PCDHGA4: variants seen among roughly 807,000 people sequenced by gnomAD.
The protein encoded by PCDHGA4 is protocadherin gamma subfamily A, 4, also known as protocadherin gamma-A4.
PCDHGA4 carries 38 observed loss-of-function variants against 54.6 expected under a neutral mutation model. The observed-to-expected ratio is 0.70, with a 90% confidence interval of 0.54 to 0.91. The LOEUF (loss-of-function observed/expected upper bound fraction) is 0.91, where lower values mean the gene tolerates loss of function less well. Among genes scored for constraint, PCDHGA4 ranks in the 40% least tolerant of loss-of-function variants. PCDHGA4 has a pLI of 0.00. For synonymous variants in PCDHGA4, 511 were observed against 512.9 expected, an observed-to-expected ratio of 1.00 and a Z score of 0.05; for missense variants, 1,298 against 1,220.9, an observed-to-expected ratio of 1.06 and a Z score of -0.94.
chr5:141,362,348 G>A (rs761668802), intron 1 of PCDHGA4: 18 of 1,613,904 alleles, frequency 1.1e-5, no homozygotes, highest in Admixed American at 1.7e-5. Context: ...CCTGGACCTG[G>A]GGTTCTCCCC....
chr5:141,364,637 G>A lies in PCDHGA4; in HGVS notation c.2514+7016G>A, dbSNP rs979445562. ...GCTCTGCGCTCAGAGCCCACTGTGT[G>A]TGGTGAACTTTAACATCTTGGTTGA... is the stretch of plus-strand genomic sequence containing the variant. On this transcript the variant is annotated intron_variant, in intron 1 of 3. Transcript: ENST00000571252. 1.7e-5 allele frequency: 28 copies of A among 1,614,030 alleles called. No homozygotes were observed. Among genetic ancestry groups the A allele is most frequent in the Non-Finnish European group, 2.4e-5 (28 of 1,179,966 alleles).
At chr5:141,495,240 C>T (rs2099759761) in intron 2 of PCDHGA4, among the ~76,000 whole-genome samples, 1 of 152,182 alleles carries the variant, frequency 6.6e-6, no homozygotes, top group South Asian at 2.1e-4. Context: ...TCCATTATGA[C>T]CTGGGGCTCA....
rs752660585 is a variant in PCDHGA4 at position 141,400,337 on chromosome 5, C to A, written c.2514+42716C>A. The A allele has an allele frequency of 6.6e-5, 106 of 1,613,962 alleles. No homozygotes were observed. The Admixed American group carries it at 1.7e-3, about 26-fold the overall frequency. ...GTCAAGTCTGGACCTGTGGTTCCCC[C>A]CAACTACAGTCAGGGGACTTTGCCT... On this transcript the variant is annotated intron_variant, in intron 1 of 3. Transcript: ENST00000571252.
intron 1 of PCDHGA4, chr5:141,361,395 C>T: frequency 1.2e-6 from 2 of 1,614,022 alleles, no homozygotes; most frequent in Non-Finnish European, 1.7e-6. Flanking sequence ...AATACAATCT[C>T]ACCATCACAG....
intron 1 of PCDHGA4, among the ~76,000 whole-genome samples, chr5:141,459,757 G>T (rs1360124889): frequency 6.6e-6 from 1 of 152,162 alleles, no homozygotes; most frequent in Admixed American, 6.6e-5. Flanking sequence ...ATTCTAGTGG[G>T]TGTGTGATAC....
rs1052219950 is a variant in PCDHGA4, at chr5:141,476,865, G to A, written c.2515-17942G>A. The A allele has an allele frequency of 1.2e-6, 2 of 1,613,752 alleles. No individual in the cohort carries two copies. Among genetic ancestry groups the A allele is most frequent in the African/African-American group, 1.3e-5 (1 of 74,958 alleles). On this transcript the variant is annotated intron_variant, in intron 1 of 3. Coordinates refer to ENST00000571252, the MANE Select transcript of PCDHGA4 (RefSeq NM_018917.4). This position sits in a 1 kb window ranked among gnomAD's most constrained non-coding sequence, Gnocchi z 7.6. ...CCTGTCTTCAACCAGTCCTTGTACC[G>A]GGCGCGCGTCCTGGAGGATGCACCC...
At chr5:141,376,323 G>T in intron 1 of PCDHGA4, 1 of 1,614,162 alleles carries the variant, frequency 6.2e-7, no homozygotes, top group South Asian at 1.1e-5. Flanking sequence ...GAAGGGGTTC[G>T]GGCTTTCCTG....
chr5:141,419,214 T>C lies in PCDHGA4; in HGVS notation c.2514+61593T>C. On this transcript the variant is annotated intron_variant, in intron 1 of 3. Coordinates refer to ENST00000571252, the MANE Select transcript of PCDHGA4 (RefSeq NM_018917.4). ...GACGTCAATGACAACGCGCCGGTTT[T>C]CGGACAGTCAGCCTACCTGGTCCAC... 1.9e-6 allele frequency: 3 copies of C among 1,613,986 alleles called. No individual in the cohort carries two copies. In the South Asian group the frequency reaches 3.3e-5, roughly 18 times the overall value.
chr5:141,363,913 T>C (rs2149851693), intron 1 of PCDHGA4, among the ~76,000 whole-genome samples: 1 of 152,252 alleles, frequency 6.6e-6, no homozygotes, highest in East Asian at 1.9e-4. Context: ...AAATAAAATT[T>C]TTGTAAGGTA....
intron 2 of PCDHGA4, among the ~76,000 whole-genome samples, chr5:141,497,076 C>T (rs1052240279): frequency 5.9e-5 from 9 of 151,826 alleles, no homozygotes; most frequent in Non-Finnish European, 8.8e-5. Context: ...GTAATCCCAG[C>T]GACTTAGGAG....
Position 141,510,957 on chromosome 5 carries a change from T to C in PCDHGA4, c.2673T>C (p.Asp891=), listed in dbSNP as rs372617587. ...MILASASEAA[D]GSSTLGGGAG... ...CCTCTGTCTCTGCAGAAGCTGCTGA[T>C]GGGAGCTCCACCCTGGGAGGGGGTG... Residue 891 remains aspartate, a synonymous_variant, in exon 4 of 4, where the codon GAT becomes GAC. Transcript: ENST00000571252. 2.5e-6 allele frequency: 4 copies of C among 1,614,134 alleles called. No individual in the cohort carries two copies. The highest frequency in any genetic ancestry group is 3.4e-6 in the Non-Finnish European group (4 of 1,180,004).
chr5:141,419,216 G>C, intron 1 of PCDHGA4: 3 of 1,613,886 alleles, frequency 1.9e-6, no homozygotes, highest in Admixed American at 1.7e-5. Flanking sequence ...GCCGGTTTTC[G>C]GACAGTCAGC....
In PCDHGA4 at chr5:141,486,718, A is replaced by G; in HGVS notation, c.2515-8089A>G. 6.2e-7 allele frequency: 1 copy of G among 1,614,106 alleles called. No individual in the cohort carries two copies. The highest frequency in any genetic ancestry group is 1.7e-5 in the Admixed American group (1 of 60,022). On this transcript the variant is annotated intron_variant, in intron 1 of 3. Coordinates refer to ENST00000571252, the MANE Select transcript of PCDHGA4 (RefSeq NM_018917.4). This position sits in a 1 kb window ranked among gnomAD's most constrained non-coding sequence, Gnocchi z 5.0. Reference sequence around the variant, plus strand: ...TCATCTCTCTGAACCCCCAGACAGGAGCTGTTCATGCTACTCGATCCTTTG... The same window carrying G: ...TCATCTCTCTGAACCCCCAGACAGGGGCTGTTCATGCTACTCGATCCTTTG...
At chr5:141,360,790 G>C in intron 1 of PCDHGA4, 1 of 1,613,878 alleles carries the variant, frequency 6.2e-7, no homozygotes, top group Non-Finnish European at 8.5e-7. Context: ...GGATGGCGGA[G>C]ACCCACCTCA....
Position 141,356,959 on chromosome 5 carries a change from C to T in PCDHGA4, c.1852C>T (p.Leu618=). The change falls in exon 1 of 4, where the codon CTG becomes TTG. Residue 618 remains leucine (L), a synonymous_variant. Transcript: ENST00000571252. ...ACCCCGCTCCGCAGATTCCGGCTAC[C>T]TGGTGACCAAAGTGGTGGCAGTGGA... ...LAPRSADSGY[L]VTKVVAVDRD... 6.2e-7 allele frequency: 1 copy of T among 1,614,236 alleles called. No homozygotes were observed. Among genetic ancestry groups the T allele is most frequent in the Non-Finnish European group, 8.5e-7 (1 of 1,180,044 alleles).
rs763433178 is a variant in PCDHGA4, at chr5:141,409,635, A to G, written c.2514+52014A>G. On this transcript the variant is annotated intron_variant, in intron 1 of 3. Transcript: ENST00000571252. ...TCCATTGCGCAAGTGAGCGCCTCTG[A>G]CCCGGATTTGGGGCTCAATGGCCAC... 3 of 1,613,784 alleles carry G rather than the reference A, an allele frequency of 1.9e-6. No individual in the cohort carries two copies. The South Asian group carries it at 3.3e-5, about 18-fold the overall frequency.
At chr5:141,428,987 T>G (rs1185184865) in intron 1 of PCDHGA4, 2 of 152,288 alleles carry the variant, frequency 1.3e-5, no homozygotes, top group Non-Finnish European at 2.9e-5. Context: ...CCCGGGTAGC[T>G]GGGACTACAG....
intron 1 of PCDHGA4, chr5:141,388,092 T>C: frequency 8.7e-6 from 12 of 1,373,060 alleles, no homozygotes; most frequent in Non-Finnish European, 1.2e-5. Flanking sequence ...GCGCGTCAGT[T>C]CGGAGAAGCC....
At chr5:141,435,902 A>G (rs896786345) in intron 1 of PCDHGA4, among the ~76,000 whole-genome samples, 1 of 152,194 alleles carries the variant, frequency 6.6e-6, no homozygotes, top group Non-Finnish European at 1.5e-5. Flanking sequence ...AATGAAAGAC[A>G]TCCAAGGGCT....
Sources: allele counts gnomAD v4.1 joint callset (sites outside exome capture counted in the v4.1 genomes callset), GRCh38; gene constraint gnomAD v4.1.1; non-coding constraint Gnocchi (gnomAD v3.1); transcripts MANE v1.5; gene names NCBI Gene and HGNC (gene_info 2026-07-23, HGNC 2026-07-21).